Variants in ARID2 observed in about 807,000 individuals in gnomAD.
ARID2 encodes AT-rich interactive domain-containing protein 2.
Under a neutral mutation model 184.6 loss-of-function variants are expected in ARID2, and 32 were observed. That is an observed-to-expected ratio of 0.17 (90% CI 0.13 to 0.23). The LOEUF is 0.23. Ranked by LOEUF, ARID2 falls within the 10% of genes least tolerant of loss-of-function variation. The probability of loss-of-function intolerance (pLI) is 1.00; values close to 1 mark genes in which losing one functional copy is unlikely to be tolerated. For missense variants in ARID2, 1,696 were observed against 2,197.6 expected (o/e 0.77, Z 4.56); for synonymous variants, 836 against 772.6 (o/e 1.08, Z -1.36).
At chr12:45,735,431 G>GTGTGTA (rs1201453438) in intron 3 of ARID2, among the ~76,000 whole-genome samples, 7 of 142,680 alleles carry the variant, frequency 4.9e-5, no homozygotes, top group African/African-American at 1.7e-4. Flanking sequence ...GTGTGTGTGT[G>GTGTGTA]TGTGTGTGTG....
At chr12:45,788,320 A>C (rs1942233201) in intron 3 of ARID2, among the ~76,000 whole-genome samples, 1 of 152,104 alleles carries the variant, frequency 6.6e-6, no homozygotes, top group South Asian at 2.1e-4. Flanking sequence ...TTAGGTAGAT[A>C]TTGTGTCTGT....
intron 2 of ARID2, 35 bp from the exon 3 acceptor site, chr12:45,731,182 T>C: frequency 6.9e-7 from 1 of 1,456,942 alleles, no homozygotes; most frequent in Non-Finnish European, 9.6e-7. Context: ...TCTTAGATTG[T>C]TCACGTTCAG....
chr12:45,761,313 A>G (rs1020864013), intron 3 of ARID2, among the ~76,000 whole-genome samples: 5 of 151,870 alleles, frequency 3.3e-5, no homozygotes, highest in Admixed American at 6.6e-5. Context: ...ATCTTCTAAA[A>G]TTTTTTCCTT....
chr12:45,759,832 A>G (rs1355425016), intron 3 of ARID2, among the ~76,000 whole-genome samples: 1 of 152,192 alleles, frequency 6.6e-6, no homozygotes, highest in African/African-American at 2.4e-5. Context: ...AGCTGGGACT[A>G]CAGGCATGCA....
intron 3 of ARID2, among the ~76,000 whole-genome samples, chr12:45,770,274 G>T (rs1366179623): frequency 6.6e-6 from 1 of 151,700 alleles, no homozygotes. Context: ...CAAAAAACAA[G>T]AAGGCAAAAC....
intron 3 of ARID2, among the ~76,000 whole-genome samples, chr12:45,792,616 G>C (rs1023870168): frequency 2.0e-5 from 3 of 151,856 alleles, no homozygotes; most frequent in Admixed American, 6.6e-5. Flanking sequence ...AAGAGAGATA[G>C]GTTTTAAAAA....
intron 11 of ARID2, among the ~76,000 whole-genome samples, chr12:45,844,209 G>A (rs1336331883): frequency 6.6e-6 from 1 of 151,966 alleles, no homozygotes; most frequent in Admixed American, 6.6e-5. Context: ...GGCTAAGGAC[G>A]GGGTTTCACT....
At chr12:45,743,363 TG>T (rs1941298854) in intron 3 of ARID2, among the ~76,000 whole-genome samples, 2 of 152,160 alleles carry the variant, frequency 1.3e-5, no homozygotes, top group Admixed American at 1.3e-4. Flanking sequence ...AGCAAGACTC[TG>T]TCTCAAAAAA....
At chr12:45,795,471 G>A (rs893883908) in intron 3 of ARID2, among the ~76,000 whole-genome samples, 13 of 151,412 alleles carry the variant, frequency 8.6e-5, no homozygotes, top group Non-Finnish European at 1.5e-4. Flanking sequence ...TCGCTCTGTC[G>A]CCCAGGCTGG....
At chr12:45,744,255 A>G (rs926111096) in intron 3 of ARID2, among the ~76,000 whole-genome samples, 4 of 152,118 alleles carry the variant, frequency 2.6e-5, no homozygotes, top group Non-Finnish European at 5.9e-5. Context: ...AATCTTAACT[A>G]TTGACTTTAA....
Position 45,902,527 on chromosome 12 carries a change from T to G in ARID2, c.5364-2407T>G, listed in dbSNP as rs117619487. ...ATTGTACTTTGTAAAGTTATTTTTA[T>G]TTTGTAAATTTTTTTTTTTTTTGAG... On this transcript the variant is annotated intron_variant, in intron 20 of 20. Coordinates refer to ENST00000334344, the MANE Select transcript of ARID2 (RefSeq NM_152641.4). Among the ~76,000 whole-genome samples the G allele has an allele frequency of 3.2e-3, 487 of 152,028 alleles. 18 individuals are homozygous for G. In the East Asian group the frequency reaches 0.077, roughly 24 times the overall value.
rs1263141779 is a variant in ARID2 at position 45,906,873 on chromosome 12, C to A, written c.*1795C>A. On this transcript the variant is annotated 3_prime_UTR_variant, in exon 21 of 21. Transcript: ENST00000334344. ...GCTTTTATTGTTTGATGTTGTGTTT[C>A]TTGACTGTTTATTCAGAATCACAGT... The A allele has an allele frequency of 4.3e-6, 1 of 231,976 alleles. No homozygotes were observed. Among genetic ancestry groups the A allele is most frequent in the Admixed American group, 5.6e-5 (1 of 17,728 alleles). 14.4% of individuals were successfully genotyped at this position (231,976 alleles called of 1,614,324 possible).
At chr12:45,819,619 T>G (rs1942860905) in intron 5 of ARID2, among the ~76,000 whole-genome samples, 1 of 152,164 alleles carries the variant, frequency 6.6e-6, no homozygotes, top group Admixed American at 6.5e-5. Flanking sequence ...ACATATTTTG[T>G]GTGTTTGAAG....
In ARID2 at chr12:45,817,788, A is replaced by G. The variant is rs1942832371; in HGVS notation, c.537A>G (p.Val179=). The G allele has an allele frequency of 6.2e-7, 1 of 1,613,344 alleles. No individual in the cohort carries two copies. Among genetic ancestry groups the G allele is most frequent in the African/African-American group, 1.3e-5 (1 of 74,860 alleles). The change falls in exon 5 of 21, where the codon GTA becomes GTG. Residue 179 remains valine (V), a synonymous_variant. Transcript: ENST00000334344. ...LPNEVDFAIN[V]CTLLSNESKH... Reference sequence around the variant, plus strand: ...ATGAAGTGGACTTTGCTATTAACGTATGCACTCTCCTATCAAATGAAAGCA... The same window carrying G: ...ATGAAGTGGACTTTGCTATTAACGTGTGCACTCTCCTATCAAATGAAAGCA...
At chr12:45,842,573 A>G (rs1943370155) in intron 11 of ARID2, among the ~76,000 whole-genome samples, 1 of 152,048 alleles carries the variant, frequency 6.6e-6, no homozygotes, top group Non-Finnish European at 1.5e-5. Flanking sequence ...CCTGGCCAAC[A>G]TGGTGAAACC....
intron 16 of ARID2, among the ~76,000 whole-genome samples, chr12:45,883,771 C>T (rs1944141134): frequency 6.6e-6 from 1 of 151,354 alleles, no homozygotes; most frequent in East Asian, 1.9e-4. Context: ...TTTTGAAAGC[C>T]CACTTCCTCA....
chr12:45,905,387 C>CT lies in ARID2; in HGVS notation c.*309_*310insT. The CT allele has an allele frequency of 3.8e-6, 1 of 263,056 alleles. No individual in the cohort carries two copies. The highest frequency in any genetic ancestry group is 7.3e-6 in the Non-Finnish European group (1 of 137,824). The allele number at this position is 263,056 out of a possible 1,614,324, so 16.3% of individuals were successfully genotyped here. On this transcript the variant is annotated 3_prime_UTR_variant, in exon 21 of 21. Coordinates refer to ENST00000334344, the MANE Select transcript of ARID2 (RefSeq NM_152641.4). ...AACTGGTATGATCAGAATTCAGTAC[C>CT]ATCCACATTGGAATATACATGGAAT...
chr12:45,897,335 A>G (rs757104192), intron 20 of ARID2, among the ~76,000 whole-genome samples: 4 of 152,232 alleles, frequency 2.6e-5, no homozygotes, highest in Non-Finnish European at 4.4e-5. Flanking sequence ...TTTGGCAGTG[A>G]TTTCTTGGGA....
intron 11 of ARID2, among the ~76,000 whole-genome samples, chr12:45,843,938 C>T (rs116133864): frequency 0.017 from 2,568 of 152,248 alleles, 77 homozygotes; most frequent in African/African-American, 0.059. Flanking sequence ...TAGTGTGACG[C>T]GTTCTTTCCT....
Sources: gnomAD v4.1 joint callset for allele counts (sites outside exome capture counted in the v4.1 genomes callset) on GRCh38, gnomAD v4.1.1 for gene constraint, MANE v1.5 for transcripts, NCBI Gene and HGNC (gene_info 2026-07-23, HGNC 2026-07-21) for gene names.